Variants in MMP15 observed in about 807,000 individuals in gnomAD.
The protein encoded by MMP15 is matrix metalloproteinase-15.
A neutral mutation model predicts 65.0 loss-of-function variants in MMP15; 36 were observed. The ratio of observed to expected loss-of-function variants is 0.55; its 90% CI spans 0.42 to 0.73. The LOEUF is 0.73. Ranked by LOEUF, MMP15 falls within the 30% of genes least tolerant of loss-of-function variation. The pLI, the probability that MMP15 is intolerant of heterozygous loss-of-function variation, is 0.00. For synonymous variants in MMP15, 428 were observed against 410.2 expected, an observed-to-expected ratio of 1.04 and a Z score of -0.52; for missense variants, 870 against 987.8, an observed-to-expected ratio of 0.88 and a Z score of 1.60.
intron 8 of MMP15, 55 bp downstream of exon 8, chr16:58,043,415 A>G (rs1959493942): frequency 6.3e-7 from 1 of 1,591,646 alleles, no homozygotes; most frequent in South Asian, 1.1e-5. Context: ...GCCCCCCTCA[A>G]CCTCAGGCCT....
chr16:58,045,414 T>C lies in MMP15; in HGVS notation c.1978T>C (p.Tyr660His), dbSNP rs781179878. The change falls in exon 10 of 10, where the codon TAC (tyrosine) becomes CAC (histidine). Residue 660 changes from tyrosine (Y) to histidine (H), a missense_variant. Physicochemically the swap from Tyr to His is moderately conservative, Grantham distance 83. Coordinates refer to ENST00000219271, the MANE Select transcript of MMP15 (RefSeq NM_002428.4). ...QRKGAPRVLL[Y>H]CKRSLQEWV ...CAAGGGTGCGCCACGTGTCCTGCTT[T>C]ACTGCAAGCGCTCGCTGCAGGAGTG... 4 of 1,562,046 alleles carry C rather than the reference T, an allele frequency of 2.6e-6. No homozygotes were observed. The highest frequency in any genetic ancestry group is 2.3e-5 in the East Asian group (1 of 43,158).
At chr16:58,034,398 C>G (rs1045500161) in intron 1 of MMP15, among the ~76,000 whole-genome samples, 9 of 151,616 alleles carry the variant, frequency 5.9e-5, no homozygotes, top group African/African-American at 1.9e-4. Flanking sequence ...TCCTGTGTTC[C>G]CCTGAGCTTG....
intron 1 of MMP15, 69 bp from the exon 2 acceptor site, chr16:58,037,403 G>A (rs1401551323): frequency 4.5e-6 from 7 of 1,564,718 alleles, no homozygotes; most frequent in African/African-American, 2.7e-5. Flanking sequence ...GGAAGTGGTC[G>A]GCACAGGCTG....
intron 1 of MMP15, among the ~76,000 whole-genome samples, chr16:58,035,117 T>TGA (rs1378638425): frequency 7.9e-5 from 12 of 152,232 alleles, no homozygotes; most frequent in Admixed American, 7.8e-4. Flanking sequence ...TAGAGCTGGC[T>TGA]GAGCATCATG....
chr16:58,034,336 A>C (rs146181488), intron 1 of MMP15, among the ~76,000 whole-genome samples: 1 of 152,180 alleles, frequency 6.6e-6, no homozygotes, highest in African/African-American at 2.4e-5. Flanking sequence ...ACCTGCAGGC[A>C]GCAGCACCTC....
At position 58,039,896 on chromosome 16, in the gene MMP15, G is replaced by T; in HGVS notation, c.462G>T (p.Lys154Asn). The T allele has an allele frequency of 6.2e-7, 1 of 1,604,888 alleles. No individual in the cohort carries two copies. Among genetic ancestry groups the T allele is most frequent in the South Asian group, 1.1e-5 (1 of 90,820 alleles). The stretch of plus-strand genomic sequence containing the variant: ...CCAGCATCCAGAACTACACGGAGAA[G>T]TTGGGCTGGTACCACTCGATGGAGG... ...LTFSIQNYTE[K>N]LGWYHSMEAV... The change falls in exon 4 of 10, where the codon AAG (lysine) becomes AAT (asparagine). Residue 154 changes from lysine to asparagine, a missense_variant. Coordinates refer to ENST00000219271, the MANE Select transcript of MMP15 (RefSeq NM_002428.4).
chr16:58,041,752 A>C lies in MMP15; in HGVS notation c.1046A>C (p.Lys349Thr). 6.2e-7 allele frequency: 1 copy of C among 1,601,692 alleles called. No homozygotes were observed. The highest frequency in any genetic ancestry group is 8.5e-7 in the Non-Finnish European group (1 of 1,174,090). The part of the protein sequence containing the change: ...PPGGKPERPP[K>T]PGPPVQPRAT... ...GGTGGGAAGCCAGAGCGGCCCCCAA[A>C]GCCGGGCCCCCCAGTCCAGCCCCGA... The change falls in exon 6 of 10, where the codon AAG becomes ACG. Residue 349 changes from lysine to threonine, a missense_variant. Transcript: ENST00000219271.
At chr16:58,036,604 TTCCCCATTCTATA>T (rs1225569465) in intron 1 of MMP15, among the ~76,000 whole-genome samples, 2 of 152,336 alleles carry the variant, frequency 1.3e-5, no homozygotes, top group Admixed American at 1.3e-4. Context: ...CAGCCCATGG[TTCCCCATTCTATA>T]GGTGAGGAAG....
At chr16:58,042,494 C>A in intron 7 of MMP15, 125 bp downstream of exon 7, 1 of 1,357,830 alleles carries the variant, frequency 7.4e-7, no homozygotes, top group Admixed American at 2.1e-5. Context: ...CCACTGTGGG[C>A]TCACTCTGGG....
intron 1 of MMP15, among the ~76,000 whole-genome samples, chr16:58,033,073 A>G (rs1176628602): frequency 6.6e-6 from 1 of 151,310 alleles, no homozygotes; most frequent in African/African-American, 2.4e-5. Context: ...CCACTCCCCC[A>G]CCGTGGCGGC....
At chr16:58,030,827 G>T (rs1963882225) in intron 1 of MMP15, among the ~76,000 whole-genome samples, 1 of 152,136 alleles carries the variant, frequency 6.6e-6, no homozygotes, top group Non-Finnish European at 1.5e-5. Flanking sequence ...TTACTGTTGG[G>T]CAAGTCACTG....
chr16:58,045,050 C>T lies in MMP15; in HGVS notation c.1614C>T (p.Asp538=), dbSNP rs559030957. The change falls in exon 10 of 10, where the codon GAC becomes GAT. Residue 538 remains aspartate, a synonymous_variant. Coordinates refer to ENST00000219271, the MANE Select transcript of MMP15 (RefSeq NM_002428.4). ...AGGGCACCAAATACTGGAAATTCGA[C>T]AATGAGCGCCTGCGGATGGAGCCCG... ...FYKGTKYWKF[D]NERLRMEPGY... is the part of the protein sequence containing the mutation. 6.2e-7 allele frequency: 1 copy of T among 1,613,436 alleles called. No homozygotes were observed. The highest frequency in any genetic ancestry group is 2.2e-5 in the East Asian group (1 of 44,882).
rs779230726 is a variant in MMP15 at position 58,040,019 on chromosome 16, C to T, written c.585C>T (p.Ala195=). Residue 195 remains alanine, a synonymous_variant, in exon 4 of 10, where the codon GCC becomes GCT. Transcript: ENST00000219271. Reference sequence around the variant, plus strand: ...TCCGGCTGCGGCGACAGAAGGAGGCCGACATCATGGTACTCTTTGCCTCTG... The same window carrying T: ...TCCGGCTGCGGCGACAGAAGGAGGCTGACATCATGGTACTCTTTGCCTCTG... ...EDIRLRRQKE[A]DIMVLFASGF... is the part of the protein sequence containing the mutation. The T allele has an allele frequency of 6.8e-6, 11 of 1,614,120 alleles. No individual in the cohort carries two copies. In the East Asian group the frequency reaches 8.9e-5, roughly 13 times the overall value.
Position 58,042,263 on chromosome 16 carries a change from C to T in MMP15, c.1197C>T (p.Arg399=), listed in dbSNP as rs1959473456. 2.5e-6 allele frequency: 4 copies of T among 1,614,188 alleles called. No homozygotes were observed. Among genetic ancestry groups the T allele is most frequent in the South Asian group, 1.1e-5 (1 of 91,084 alleles). Residue 399 remains arginine (R), a synonymous_variant, in exon 7 of 10, where the codon CGC becomes CGT. Transcript: ENST00000219271. ...GGTTCTGGCGAGTCCGGCACAACCG[C>T]GTCCTGGACAACTATCCCATGCCCA... The part of the protein sequence containing the change: ...GRWFWRVRHN[R]VLDNYPMPIG...
At chr16:58,042,087 G>T (rs149321997) in intron 6 of MMP15, 144 bp from the exon 7 acceptor site, 4 of 1,183,348 alleles carry the variant, frequency 3.4e-6, no homozygotes, top group Non-Finnish European at 4.7e-6. Flanking sequence ...TGCAGCCCTG[G>T]CTTTCCAAGC....
At position 58,043,655 on chromosome 16, in the gene MMP15, C is replaced by T. The variant is rs751261848; in HGVS notation, c.1570+28C>T. The T allele has an allele frequency of 4.5e-6, 7 of 1,541,358 alleles. No homozygotes were observed. In the South Asian group the frequency reaches 8.1e-5, roughly 18 times the overall value. ...ACCTGGCCAGCCCCTCCCAGTTTGCCCAGCACCTAATATCCCCTGCTACAC... is the reference window on the plus strand; with the variant it reads ...ACCTGGCCAGCCCCTCCCAGTTTGCTCAGCACCTAATATCCCCTGCTACAC... On this transcript the variant is annotated intron_variant, in intron 9 of 9. Transcript: ENST00000219271.
In MMP15 at chr16:58,045,843, C is replaced by T. The variant is rs1243941394; in HGVS notation, c.*397C>T. The T allele has an allele frequency of 5.2e-6, 1 of 193,554 alleles. No homozygotes were observed. The highest frequency in any genetic ancestry group is 2.4e-5 in the African/African-American group (1 of 42,368). The allele number at this position is 193,554 out of a possible 1,614,324, so 12.0% of individuals were successfully genotyped here. A position where few individuals can be genotyped will look rare whatever the true frequency, so the allele number is the denominator to read the frequency against. On this transcript the variant is annotated 3_prime_UTR_variant, in exon 10 of 10. Transcript: ENST00000219271. ...TTGCCCAGTTGGAGACTGTCTGGCC[C>T]CCCTGGTCCCCTCCTTCCCAAGTGA...
chr16:58,041,052 G>A (rs1261279037), intron 5 of MMP15, among the ~76,000 whole-genome samples: 1 of 152,166 alleles, frequency 6.6e-6, no homozygotes, highest in Non-Finnish European at 1.5e-5. Flanking sequence ...CTCCCAGCCT[G>A]AGCCTGTCAC....
In MMP15 at chr16:58,045,354, C is replaced by T. The variant is rs1959542216; in HGVS notation, c.1918C>T (p.Leu640=). ...LVPLLLLLCV[L]GLTYALVQMQ... is the part of the protein sequence containing the mutation. Reference sequence around the variant, plus strand: ...GCCACTGCTGCTGCTGCTCTGCGTCCTGGGCCTCACCTACGCGCTGGTGCA... The same window carrying T: ...GCCACTGCTGCTGCTGCTCTGCGTCTTGGGCCTCACCTACGCGCTGGTGCA... The change falls in exon 10 of 10, where the codon CTG becomes TTG. Residue 640 remains leucine, a synonymous_variant. Transcript: ENST00000219271. 1.2e-6 allele frequency: 2 copies of T among 1,602,074 alleles called. No homozygotes were observed. Among genetic ancestry groups the T allele is most frequent in the Admixed American group, 1.7e-5 (1 of 57,914 alleles).
Sources: gnomAD v4.1 joint callset for allele counts (sites outside exome capture counted in the v4.1 genomes callset) on GRCh38, gnomAD v4.1.1 for gene constraint, MANE v1.5 for transcripts, NCBI Gene and HGNC (gene_info 2026-07-23, HGNC 2026-07-21) for gene names.